The following COPS8 variants were observed in gnomAD, a reference collection of about 807,000 sequenced individuals.
COPS8 encodes the protein COP9 signalosome complex subunit 8.
Under a neutral mutation model 31.5 loss-of-function variants are expected in COPS8, and 11 were observed. The observed-to-expected ratio is 0.35, with a 90% CI of 0.22 to 0.58. The LOEUF (loss-of-function observed/expected upper bound fraction) is 0.58, where lower values mean the gene tolerates loss of function less well. COPS8 is among the 20% of genes least tolerant of loss of function. COPS8 has a pLI of 0.83. For synonymous variants in COPS8, 81 were observed against 89.3 expected, an observed-to-expected ratio of 0.91 and a Z score of 0.52; for missense variants, 215 against 255.1, an observed-to-expected ratio of 0.84 and a Z score of 1.07.
At chr2:237,087,368 G>T in intron 2 of COPS8, 171 bp downstream of exon 2, 3 of 551,912 alleles carry the variant, frequency 5.4e-6, no homozygotes, top group Non-Finnish European at 9.8e-6. Flanking sequence ...ATTATGATTA[G>T]GTCGTCATTG....
At chr2:237,096,419 C>G (rs1302879539) in intron 6 of COPS8, among the ~76,000 whole-genome samples, 1 of 152,184 alleles carries the variant, frequency 6.6e-6, no homozygotes, top group Non-Finnish European at 1.5e-5. Context: ...TCATTCCCGC[C>G]TGATAGTTTC....
intron 3 of COPS8, 109 bp from the exon 4 acceptor site, chr2:237,089,753 A>G (rs1696674995): frequency 3.7e-6 from 4 of 1,069,662 alleles, no homozygotes; most frequent in Non-Finnish European, 5.4e-6. Flanking sequence ...TTAGGTTTTA[A>G]TGATGTAGCT....
Position 237,087,153 on chromosome 2 carries a change from A to G in COPS8, c.105A>G (p.Pro35=), listed in dbSNP as rs372842288. 1.1e-5 allele frequency: 17 copies of G among 1,608,744 alleles called. No individual in the cohort carries two copies. The African/African-American group carries it at 2.3e-4, about 22-fold the overall frequency. Residue 35 remains proline (P), a synonymous_variant, in exon 2 of 8, where the codon CCA becomes CCG. Coordinates refer to ENST00000354371, the MANE Select transcript of COPS8 (RefSeq NM_006710.5). ...CCCCTGGAGGAATTGCTACACCCCC[A>G]GTGTATGGTCAGCTTCTAGCTTTAT... ...LEAPGGIATP[P]VYGQLLALYL...
intron 4 of COPS8, among the ~76,000 whole-genome samples, chr2:237,093,201 G>A (rs778465313): frequency 6.6e-6 from 1 of 152,142 alleles, no homozygotes; most frequent in Non-Finnish European, 1.5e-5. Context: ...GAGAGCCAGT[G>A]GACTCGTTTG....
rs180891382 is a variant in COPS8 at position 237,088,207 on chromosome 2, C to T, written c.150-398C>T. On this transcript the variant is annotated intron_variant, in intron 2 of 7. Transcript: ENST00000354371. ...TCCCACTGGTAGGAGGGGCTGTAAT[C>T]GGGAGAGAAGTGTTGTGTACCAGGC... is the stretch of plus-strand genomic sequence containing the variant. 8.5e-5 allele frequency among the ~76,000 whole-genome samples: 13 copies of T among 152,234 alleles called. No homozygotes were observed. In the East Asian group the frequency reaches 1.5e-3, roughly 18 times the overall value.
intron 2 of COPS8, chr2:237,087,659 G>A (rs896919651): frequency 2.0e-5 from 4 of 205,076 alleles, no homozygotes; most frequent in South Asian, 6.4e-5. Context: ...GCCGGGCGCC[G>A]TGGCACACGC....
intron 2 of COPS8, among the ~76,000 whole-genome samples, chr2:237,087,790 G>T (rs1137555): frequency 1.3e-5 from 2 of 152,032 alleles, no homozygotes; most frequent in South Asian, 4.1e-4. Context: ...AAATTAGCTG[G>T]GCATGGTTGC....
intron 5 of COPS8, among the ~76,000 whole-genome samples, chr2:237,094,472 TC>T (rs1267432404): frequency 1.3e-5 from 2 of 152,098 alleles, no homozygotes; most frequent in Admixed American, 6.5e-5. Context: ...TATTTGGAAA[TC>T]CTTATTTCAC....
In COPS8 at chr2:237,087,178, T is replaced by C; in HGVS notation, c.130T>C (p.Tyr44His). 6.2e-7 allele frequency: 1 copy of C among 1,608,930 alleles called. No individual in the cohort carries two copies. The highest frequency in any genetic ancestry group is 8.5e-7 in the Non-Finnish European group (1 of 1,178,096). The change falls in exon 2 of 8, where the codon TAT (tyrosine) becomes CAT (histidine). Residue 44 changes from tyrosine (Y) to histidine (H), a missense_variant. Transcript: ENST00000354371. ...AGTGTATGGTCAGCTTCTAGCTTTA[T>C]ATTTGCTCCATAATGACATGTAAGT... ...PPVYGQLLAL[Y>H]LLHNDMNNAR...
At chr2:237,093,688 T>C in intron 4 of COPS8, 1 of 986,542 alleles carries the variant, frequency 1.0e-6, no homozygotes, top group Non-Finnish European at 1.2e-6. Flanking sequence ...AGAGACGTTT[T>C]TGAAAAGGAC....
intron 6 of COPS8, 27 bp from the exon 7 acceptor site, chr2:237,096,795 A>T: frequency 1.3e-6 from 2 of 1,583,962 alleles, no homozygotes; most frequent in East Asian, 4.5e-5. Flanking sequence ...CTGTAAATTG[A>T]GCTGTACATT....
chr2:237,085,963 A>G lies in COPS8; in HGVS notation c.-2A>G. 1.2e-6 allele frequency: 2 copies of G among 1,612,934 alleles called. No individual in the cohort carries two copies. The highest frequency in any genetic ancestry group is 1.7e-6 in the Non-Finnish European group (2 of 1,179,442). On this transcript the variant is annotated 5_prime_UTR_variant, in exon 1 of 8. Transcript: ENST00000354371. ...GGTGCAGCGGCGAGGCCGGCCGCGA[A>G]GATGCCAGTGGCGGTGATGGCGGAA...
At chr2:237,095,599 T>G (rs879884275) in intron 5 of COPS8, among the ~76,000 whole-genome samples, 2 of 152,208 alleles carry the variant, frequency 1.3e-5, no homozygotes, top group Non-Finnish European at 2.9e-5. Flanking sequence ...TTTTAATGAT[T>G]ATAGCAACCT....
intron 3 of COPS8, among the ~76,000 whole-genome samples, chr2:237,089,157 T>A (rs1236224586): frequency 4.6e-5 from 7 of 152,160 alleles, no homozygotes; most frequent in Non-Finnish European, 8.8e-5. Context: ...GAAGTAAAAT[T>A]TTAATGTCAA....
chr2:237,097,581 C>CA, intron 7 of COPS8, 82 bp from the exon 8 acceptor site: 1 of 888,354 alleles, frequency 1.1e-6, no homozygotes, highest in African/African-American at 1.7e-5. Context: ...AAATTGAAGG[C>CA]ATTAGGGGAG....
At chr2:237,088,715 C>A in intron 3 of COPS8, 62 bp downstream of exon 3, 1 of 1,026,792 alleles carries the variant, frequency 9.7e-7, no homozygotes, top group South Asian at 1.5e-5. Flanking sequence ...AAATGGCAAC[C>A]TTTTATAAGC....
intron 4 of COPS8, among the ~76,000 whole-genome samples, chr2:237,091,538 A>G (rs1197127134): frequency 1.3e-5 from 2 of 152,180 alleles, no homozygotes; most frequent in African/African-American, 4.8e-5. Context: ...CTCTTAACAG[A>G]TTGGTCTTAC....
At chr2:237,087,455 C>T (rs1696640010) in intron 2 of COPS8, 1 of 480,368 alleles carries the variant, frequency 2.1e-6, no homozygotes. Flanking sequence ...ACCTTTTTGT[C>T]TTTTTAAGAA....
At chr2:237,096,384 T>C (rs1026771272) in intron 6 of COPS8, among the ~76,000 whole-genome samples, 5 of 152,120 alleles carry the variant, frequency 3.3e-5, no homozygotes, top group African/African-American at 1.2e-4. Flanking sequence ...AGCCCCTCAG[T>C]CTTCCTGTTG....
Sources: gnomAD v4.1 joint callset for allele counts (sites outside exome capture counted in the v4.1 genomes callset) on GRCh38, gnomAD v4.1.1 for gene constraint, MANE v1.5 for transcripts, NCBI Gene and HGNC (gene_info 2026-07-23, HGNC 2026-07-21) for gene names.